TRIM50: variants seen among roughly 807,000 people sequenced by gnomAD.
TRIM50 encodes the protein tripartite motif containing 50.
In TRIM50, 34 loss-of-function variants were observed where a neutral mutation model predicts 44.9. The ratio of observed to expected loss-of-function variants is 0.76; its 90% confidence interval spans 0.58 to 1.01. TRIM50 has a LOEUF of 1.01. Among genes scored for constraint, TRIM50 ranks in the 50% least tolerant of loss-of-function variants. The pLI is 0.00. For synonymous variants in TRIM50, 307 were observed against 291.1 expected (o/e 1.05, Z -0.56); for missense variants, 633 against 663.7 (o/e 0.95, Z 0.51).
intron 5 of TRIM50, 142 bp downstream of exon 5, chr7:73,318,545 T>G: frequency 6.4e-7 from 1 of 1,558,400 alleles, no homozygotes; most frequent in African/African-American, 1.4e-5. Flanking sequence ...CTTTCCTCTG[T>G]TTTTCCCAGG....
rs782315115 is a variant in TRIM50 at position 73,324,612 on chromosome 7, G to T, written c.176C>A (p.Ala59Glu). 5.0e-6 allele frequency: 8 copies of T among 1,613,986 alleles called. No homozygotes were observed. Among genetic ancestry groups the T allele is most frequent in the Middle Eastern group, 1.6e-4 (1 of 6,080 alleles). Residue 59 changes from alanine (A) to glutamate (E), a missense_variant, in exon 2 of 7, where the codon GCG becomes GAG. By Grantham distance (107) the Ala-to-Glu change is moderately radical. Transcript: ENST00000333149. ...GGGCAGGGAGCTGCTGCCGTCCACC[G>T]CCTGCCGGCACACGGGGCAGCGCAG... ...AELRCPVCRQAVDGSSSLPNV... is the reference protein window; with the variant it reads ...AELRCPVCRQEVDGSSSLPNV...
intron 1 of TRIM50, among the ~76,000 whole-genome samples, chr7:73,327,381 G>A (rs1482454238): frequency 2.0e-5 from 3 of 152,164 alleles, no homozygotes; most frequent in African/African-American, 7.2e-5. Context: ...CAGCTACTCG[G>A]GAGGCTGAGG....
rs1273298384 is a variant in TRIM50, at chr7:73,315,613, C to T, written c.874+952G>A. 2.6e-5 allele frequency among the ~76,000 whole-genome samples: 4 copies of T among 152,198 alleles called. No individual in the cohort carries two copies. In the East Asian group the frequency reaches 7.7e-4, roughly 29 times the overall value. On this transcript the variant is annotated intron_variant, in intron 6 of 6. Coordinates refer to ENST00000333149, the MANE Select transcript of TRIM50 (RefSeq NM_178125.3). ...CAAGCAGTCCTCCCACCTTGGCCTC[C>T]CAAGGTGCTGGGATTGCAGGCGTGA...
At chr7:73,319,098 C>A in intron 3 of TRIM50, 46 bp from the exon 4 acceptor site, 3 of 1,613,794 alleles carry the variant, frequency 1.9e-6, no homozygotes, top group Non-Finnish European at 2.5e-6. Flanking sequence ...GCCGAGCTGC[C>A]AGGCTCTGTC....
Position 73,320,213 on chromosome 7 carries a change from C to A in TRIM50, c.429G>T (p.Leu143=). ...CATCCACCTTTTTCTGCTCCTGCTT[C>A]AGCTCAGAGATGAGGGCTGCGAGCT... ...KEELAALISE[L]KQEQKKVDEL... The change falls in exon 3 of 7, where the codon CTG becomes CTT. Residue 143 remains leucine, a synonymous_variant. Transcript: ENST00000333149. The A allele has an allele frequency of 1.2e-6, 2 of 1,614,002 alleles. No homozygotes were observed. Among genetic ancestry groups the A allele is most frequent in the Non-Finnish European group, 1.7e-6 (2 of 1,179,874 alleles).
At position 73,313,554 on chromosome 7, in the gene TRIM50, C is replaced by G. The variant is rs1554543625; in HGVS notation, c.875-44G>C. 3.5e-6 allele frequency: 5 copies of G among 1,429,882 alleles called. No individual in the cohort carries two copies. The highest frequency in any genetic ancestry group is 1.4e-5 in the African/African-American group (1 of 69,774). 88.6% of individuals were successfully genotyped at this position (1,429,882 alleles called of 1,614,324 possible). A position where few individuals can be genotyped will look rare whatever the true frequency, so the allele number is the denominator to read the frequency against. On this transcript the variant is annotated intron_variant, in intron 6 of 6. Transcript: ENST00000333149. This position sits in a 1 kb window ranked among gnomAD's most constrained non-coding sequence, Gnocchi z 4.9. ...AGGGTCTGTGAGGCCACGTGGAGGGCAGCAGACCCGGCCCACAGAAGCTGA... is the reference window on the plus strand; with the variant it reads ...AGGGTCTGTGAGGCCACGTGGAGGGGAGCAGACCCGGCCCACAGAAGCTGA...
chr7:73,324,556 G>A lies in TRIM50; in HGVS notation c.232C>T (p.Leu78=), dbSNP rs1299549410. ...NVSLARVIEA[L]RLPGDPEPKV... ...GGCTCCGGGTCCCCAGGGAGCCTCA[G>A]GGCTTCGATCACCCTGGCCAGGGAG... Residue 78 remains leucine (L), a synonymous_variant, in exon 2 of 7, where the codon CTG becomes TTG. Coordinates refer to ENST00000333149, the MANE Select transcript of TRIM50 (RefSeq NM_178125.3). 6.2e-7 allele frequency: 1 copy of A among 1,614,098 alleles called. No individual in the cohort carries two copies. Among genetic ancestry groups the A allele is most frequent in the Non-Finnish European group, 8.5e-7 (1 of 1,179,970 alleles).
At chr7:73,322,739 G>C (rs1405567220) in intron 2 of TRIM50, among the ~76,000 whole-genome samples, 1 of 152,064 alleles carries the variant, frequency 6.6e-6, no homozygotes, top group Non-Finnish European at 1.5e-5. Context: ...GGTACCCCTT[G>C]GGGTCATCAT....
In TRIM50 at chr7:73,313,467, G is replaced by C. The variant is rs1415826230; in HGVS notation, c.918C>G (p.Leu306=). The C allele has an allele frequency of 2.6e-6, 4 of 1,538,966 alleles. No homozygotes were observed. Among genetic ancestry groups the C allele is most frequent in the Non-Finnish European group, 3.5e-6 (4 of 1,146,812 alleles). The change falls in exon 7 of 7, where the codon CTC becomes CTG. Residue 306 remains leucine, a synonymous_variant. Coordinates refer to ENST00000333149, the MANE Select transcript of TRIM50 (RefSeq NM_178125.3). The surrounding 1 kb of genome is among the most constrained non-coding windows in gnomAD (Gnocchi z 4.9). ...CCGTGTTGCCCTTGGAGAGCTCCAG[G>C]AGTGGGTGGGCAGTGGCAGGGTCCA... ...LKLDPATAHP[L]LELSKGNTVV...
rs782237591 is a variant in TRIM50 at position 73,318,898 on chromosome 7, C to T, written c.650G>A (p.Gly217Glu). The change falls in exon 4 of 7, where the codon GGA (glycine) becomes GAA (glutamate). Residue 217 changes from glycine (G) to glutamate (E), a missense_variant. Transcript: ENST00000333149. ...GGCTTGGGCCAGCCGCTCCCGGGTT[C>T]CCTGGGCCTGCTCCAGCTGCATGTC... ...SLDMQLEQAQ[G>E]TRERLAQAEC... The T allele has an allele frequency of 1.9e-6, 3 of 1,613,976 alleles. No individual in the cohort carries two copies. The highest frequency in any genetic ancestry group is 2.5e-6 in the Non-Finnish European group (3 of 1,179,854).
chr7:73,312,962 C>A lies in TRIM50; in HGVS notation c.1423G>T (p.Gly475Trp). 1 of 1,550,084 alleles carries A rather than the reference C, an allele frequency of 6.5e-7. No homozygotes were observed. Among genetic ancestry groups the A allele is most frequent in the Non-Finnish European group, 8.7e-7 (1 of 1,146,542 alleles). The change falls in exon 7 of 7, where the codon GGG becomes TGG. Residue 475 changes from glycine (G) to tryptophan (W), a missense_variant. Gly to Trp is a radical substitution (Grantham distance 184, BLOSUM62 -2). Coordinates refer to ENST00000333149, the MANE Select transcript of TRIM50 (RefSeq NM_178125.3). ...SLPMVLPPPSGPGPLSPEQPT... is the reference protein window; with the variant it reads ...SLPMVLPPPSWPGPLSPEQPT... ...TGCTCGGGGCTGAGGGGGCCAGGCC[C>A]GCTGGGCGGGGGCAGCACCATGGGC...
intron 2 of TRIM50, among the ~76,000 whole-genome samples, chr7:73,321,530 G>A (rs1443654859): frequency 6.6e-6 from 1 of 152,118 alleles, no homozygotes; most frequent in African/African-American, 2.4e-5. Flanking sequence ...GACACAGCAC[G>A]GATTTGCGAC....
chr7:73,312,789 TCC>T lies in TRIM50; in HGVS notation c.*130_*131del. 1.4e-6 allele frequency: 1 copy of T among 695,260 alleles called. No individual in the cohort carries two copies. The highest frequency in any genetic ancestry group is 2.3e-6 in the Non-Finnish European group (1 of 426,658). 43.1% of individuals were successfully genotyped at this position (695,260 alleles called of 1,614,324 possible). A position where few individuals can be genotyped will look rare whatever the true frequency, so the allele number is the denominator to read the frequency against. On this transcript the variant is annotated 3_prime_UTR_variant, in exon 7 of 7. Coordinates refer to ENST00000333149, the MANE Select transcript of TRIM50 (RefSeq NM_178125.3). ...GGTCCTGTTCCCTATCATTACATGT[TCC>T]AGGGACACACAGGCCTGAAGACCTT...
intron 6 of TRIM50, chr7:73,314,845 CAAAAAAAAAAA>C (rs781899232): frequency 5.6e-5 from 4 of 71,186 alleles, no homozygotes; most frequent in African/African-American, 2.5e-4. Flanking sequence ...GACTCTGTCT[CAAAAAAAAAAA>C]AAAAAAAAGG....
In TRIM50 at chr7:73,318,994, A is replaced by G. The variant is rs200754952; in HGVS notation, c.554T>C (p.Leu185Pro). Residue 185 changes from leucine (L) to proline (P), a missense_variant, in exon 4 of 7, where the codon CTG (leucine) becomes CCG (proline). Leu to Pro is a moderately conservative substitution (Grantham distance 98). Coordinates refer to ENST00000333149, the MANE Select transcript of TRIM50 (RefSeq NM_178125.3). The part of the protein sequence containing the change: ...IRREFQELHH[L>P]VDEEKARCLE... Reference sequence around the variant, plus strand: ...GCAGCGGGCCTTCTCCTCATCCACCAGGTGGTGCAGCTCCTGGAACTCGCG... The same window carrying G: ...GCAGCGGGCCTTCTCCTCATCCACCGGGTGGTGCAGCTCCTGGAACTCGCG... The G allele has an allele frequency of 2.3e-4, 365 of 1,613,170 alleles. No homozygotes were observed. In the East Asian group the frequency reaches 2.3e-3, roughly 10 times the overall value.
chr7:73,323,445 A>G (rs1804540477), intron 2 of TRIM50, among the ~76,000 whole-genome samples: 2 of 152,110 alleles, frequency 1.3e-5, no homozygotes, highest in African/African-American at 4.8e-5. Flanking sequence ...AAACTCCTGG[A>G]CTCAAGTGAT....
rs1161240763 is a variant in TRIM50 at position 73,324,733 on chromosome 7, A to T, written c.55T>A (p.Cys19Ser). 3 of 1,614,104 alleles carry T rather than the reference A, an allele frequency of 1.9e-6. No individual in the cohort carries two copies. Among genetic ancestry groups the T allele is most frequent in the Non-Finnish European group, 2.5e-6 (3 of 1,180,054 alleles). Residue 19 changes from cysteine to serine, a missense_variant, in exon 2 of 7, where the codon TGC becomes AGC. Physicochemically the swap from Cys to Ser is moderately radical, Grantham distance 112 (BLOSUM62 -1). Coordinates refer to ENST00000333149, the MANE Select transcript of TRIM50 (RefSeq NM_178125.3). ...AGGGGCTCCTTGAAGACCTCCAGGCAGATGGGACACTGAAGCCGGTCCTCC... is the reference window on the plus strand; with the variant it reads ...AGGGGCTCCTTGAAGACCTCCAGGCTGATGGGACACTGAAGCCGGTCCTCC... ...ELEDRLQCPI[C>S]LEVFKEPLML...
At chr7:73,324,857 A>G (rs1451561934) in intron 1 of TRIM50, 52 bp from the exon 2 acceptor site, 2 of 1,604,246 alleles carry the variant, frequency 1.2e-6, no homozygotes, top group South Asian at 2.2e-5. Context: ...CCCCCTGTCC[A>G]GCACTCATCC....
At chr7:73,320,083 C>T (rs532991537) in intron 3 of TRIM50, 64 bp downstream of exon 3, 2 of 1,613,234 alleles carry the variant, frequency 1.2e-6, no homozygotes, top group South Asian at 1.1e-5. Flanking sequence ...CCAATGAGAA[C>T]TGAGTTCTAC....
Sources: gnomAD v4.1 joint callset for allele counts (sites outside exome capture counted in the v4.1 genomes callset) on GRCh38, gnomAD v4.1.1 for gene constraint, Gnocchi (gnomAD v3.1) non-coding constraint, MANE v1.5 for transcripts, NCBI Gene and HGNC (gene_info 2026-07-23, HGNC 2026-07-21) for gene names.